SGCD: variants seen among roughly 807,000 people sequenced by gnomAD.
The protein encoded by SGCD is delta-sarcoglycan.
In SGCD, 18 loss-of-function variants were observed where a neutral mutation model predicts 36.6. The observed-to-expected ratio is 0.49, with a 90% CI of 0.34 to 0.73. The LOEUF is 0.73. SGCD is among the 30% of genes least tolerant of loss of function. The pLI is 0.01. For missense variants in SGCD, 387 were observed against 346.7 expected, an observed-to-expected ratio of 1.12 and a Z score of -0.92; for synonymous variants, 133 against 130.6, an observed-to-expected ratio of 1.02 and a Z score of -0.12.
chr5:156,634,069 A>T lies in SGCD; in HGVS notation c.503-13395A>T, dbSNP rs148699236. ...TTTTTCTAAGTGTTCTGATTCTTCTAAATCTGTCTTCTCTTCAGCTTTCTT... is the reference window on the plus strand; with the variant it reads ...TTTTTCTAAGTGTTCTGATTCTTCTTAATCTGTCTTCTCTTCAGCTTTCTT... On this transcript the variant is annotated intron_variant, in intron 6 of 8. Coordinates refer to ENST00000337851, the MANE Select transcript of SGCD (RefSeq NM_000337.6). Among the ~76,000 whole-genome samples, 175 of 152,194 alleles carry T rather than the reference A, an allele frequency of 1.1e-3. 1 individual carries two copies. The highest frequency in any genetic ancestry group is 3.8e-3 in the African/African-American group (159 of 41,542).
At chr5:156,079,615 G>T (rs867290064) in intron 1 of SGCD, among the ~76,000 whole-genome samples, 1 of 152,184 alleles carries the variant, frequency 6.6e-6, no homozygotes, top group Non-Finnish European at 1.5e-5. Context: ...GGGGCTACAG[G>T]CTCCATGAGA....
At chr5:156,637,204 A>G (rs1023199472) in intron 6 of SGCD, among the ~76,000 whole-genome samples, 1 of 152,078 alleles carries the variant, frequency 6.6e-6, no homozygotes, top group African/African-American at 2.4e-5. Flanking sequence ...CCATGTGAAG[A>G]AGGACATATT....
the SGCD span, among the ~76,000 whole-genome samples, chr5:155,746,592 CTT>C: frequency 4.6e-5 from 7 of 151,650 alleles, no homozygotes; most frequent in African/African-American, 1.5e-4. Flanking sequence ...GTTCCTGTCT[CTT>C]GTCTTAAGTC....
intron 3 of SGCD, among the ~76,000 whole-genome samples, chr5:156,311,616 G>A (rs1173763351): frequency 6.6e-6 from 1 of 152,294 alleles, no homozygotes; most frequent in African/African-American, 2.4e-5. Flanking sequence ...ACACAGAGGA[G>A]GGGAGGAGCT....
intron 3 of SGCD, among the ~76,000 whole-genome samples, chr5:156,427,436 T>C (rs183345559): frequency 2.6e-5 from 4 of 152,260 alleles, no homozygotes; most frequent in Non-Finnish European, 5.9e-5. Flanking sequence ...TAGGAGCTTT[T>C]TGAGTGAGTC....
intron 4 of SGCD, among the ~76,000 whole-genome samples, chr5:156,561,907 G>T (rs903350676): frequency 2.0e-5 from 3 of 152,064 alleles, no homozygotes; most frequent in Admixed American, 6.5e-5. Flanking sequence ...TTCAAATAAA[G>T]GTAGTCTTCC....
At chr5:156,011,091 G>C (rs905157092) in intron 1 of SGCD, among the ~76,000 whole-genome samples, 1 of 152,006 alleles carries the variant, frequency 6.6e-6, no homozygotes, top group Non-Finnish European at 1.5e-5. Flanking sequence ...AGACACATAC[G>C]GAAATATAGG....
intron 3 of SGCD, among the ~76,000 whole-genome samples, chr5:156,472,688 G>T (rs975163787): frequency 6.6e-6 from 1 of 152,112 alleles, no homozygotes; most frequent in Admixed American, 6.5e-5. Flanking sequence ...AAAGTGCTTG[G>T]ATGGGATTAC....
intron 1 of SGCD, among the ~76,000 whole-genome samples, chr5:155,947,853 A>G (rs7711809): frequency 0.19 from 29,255 of 151,954 alleles, 3,405 homozygotes; most frequent in Admixed American, 0.38. Flanking sequence ...GAGAGTTCAG[A>G]GTTTACAAGC....
At chr5:156,316,134 G>T (rs7710388) in intron 3 of SGCD, among the ~76,000 whole-genome samples, 2 of 151,808 alleles carry the variant, frequency 1.3e-5, no homozygotes, top group Admixed American at 1.3e-4. Flanking sequence ...GTTATAGGAT[G>T]CAAAGTCAAC....
chr5:156,581,969 CA>C (rs1760280503), intron 4 of SGCD, among the ~76,000 whole-genome samples: 1 of 152,180 alleles, frequency 6.6e-6, no homozygotes. Context: ...CCAGGTACCT[CA>C]GTTGGAAATG....
chr5:156,480,210 A>G (rs762925379), intron 3 of SGCD, among the ~76,000 whole-genome samples: 2 of 152,222 alleles, frequency 1.3e-5, no homozygotes, highest in Admixed American at 6.5e-5. Context: ...CTCTGCCTTG[A>G]TTAGACAGAC....
chr5:156,574,622 G>A (rs1205223114), intron 4 of SGCD, among the ~76,000 whole-genome samples: 1 of 152,058 alleles, frequency 6.6e-6, no homozygotes, highest in Admixed American at 6.6e-5. Context: ...TCTGGGCTTT[G>A]GGTTTTTTTT....
intron 3 of SGCD, among the ~76,000 whole-genome samples, chr5:156,464,620 C>T (rs1325683133): frequency 6.6e-6 from 1 of 152,042 alleles, no homozygotes; most frequent in African/African-American, 2.4e-5. Flanking sequence ...TCTTAGAGAC[C>T]CTTGTTGAAA....
intron 3 of SGCD, among the ~76,000 whole-genome samples, chr5:156,471,561 A>C (rs2127828212): frequency 6.6e-6 from 1 of 152,294 alleles, no homozygotes; most frequent in South Asian, 2.1e-4. Context: ...ATTTGAGGAA[A>C]TAAGGCATTT....
At chr5:156,514,606 G>A (rs1757080715) in intron 4 of SGCD, among the ~76,000 whole-genome samples, 3 of 152,190 alleles carry the variant, frequency 2.0e-5, no homozygotes, top group Admixed American at 6.5e-5. Flanking sequence ...CCTATCGTAA[G>A]ATAGTCTCAT....
intron 1 of SGCD, among the ~76,000 whole-genome samples, chr5:155,961,151 T>G (rs1757782802): frequency 6.6e-6 from 1 of 152,138 alleles, no homozygotes; most frequent in South Asian, 2.1e-4. Flanking sequence ...TTACTTGGTT[T>G]AGACTATTCC....
the SGCD span, among the ~76,000 whole-genome samples, chr5:155,744,122 C>T: frequency 2.0e-5 from 3 of 152,124 alleles, no homozygotes; most frequent in African/African-American, 7.2e-5. Flanking sequence ...CTAAGATTTT[C>T]AGGTATTAGA....
At chr5:156,445,681 C>T (rs1052627694) in intron 3 of SGCD, among the ~76,000 whole-genome samples, 1 of 152,212 alleles carries the variant, frequency 6.6e-6, no homozygotes, top group East Asian at 1.9e-4. Context: ...GTTTCCTTCT[C>T]TACAAAATGA....
Sources: gnomAD v4.1 joint callset for allele counts (sites outside exome capture counted in the v4.1 genomes callset) on GRCh38, gnomAD v4.1.1 for gene constraint, MANE v1.5 for transcripts, NCBI Gene and HGNC (gene_info 2026-07-23, HGNC 2026-07-21) for gene names.